KIAA1328: variants seen among roughly 807,000 people sequenced by gnomAD.
KIAA1328 encodes the protein protein hinderin.
Under a neutral mutation model 68.1 loss-of-function variants are expected in KIAA1328, and 52 were observed. That is an observed-to-expected ratio of 0.76 (90% CI 0.61 to 0.96). The LOEUF is 0.96. KIAA1328 is among the 40% of genes least tolerant of loss of function. The probability of loss-of-function intolerance (pLI) is 0.00; values close to 1 mark genes in which losing one functional copy is unlikely to be tolerated. For missense variants in KIAA1328, 641 were observed against 677.6 expected, an observed-to-expected ratio of 0.95 and a Z score of 0.60; for synonymous variants, 232 against 239.4, an observed-to-expected ratio of 0.97 and a Z score of 0.28.
At chr18:37,198,748 T>G (rs2060051179) in intron 9 of KIAA1328, among the ~76,000 whole-genome samples, 1 of 152,196 alleles carries the variant, frequency 6.6e-6, no homozygotes, top group Non-Finnish European at 1.5e-5. Flanking sequence ...AATTTGATAG[T>G]GTAACGGCAA....
At chr18:36,947,826 C>T (rs971471320) in intron 5 of KIAA1328, among the ~76,000 whole-genome samples, 2 of 152,118 alleles carry the variant, frequency 1.3e-5, no homozygotes, top group Admixed American at 6.5e-5. Flanking sequence ...GGGTAAAACA[C>T]TTTGATTTTT....
At chr18:36,869,374 C>A (rs934468203) in intron 4 of KIAA1328, among the ~76,000 whole-genome samples, 2 of 152,018 alleles carry the variant, frequency 1.3e-5, no homozygotes, top group Non-Finnish European at 2.9e-5. Context: ...GCATTTTTTT[C>A]TTTTGCGTAG....
In KIAA1328 at chr18:36,955,435, G is replaced by A. The variant is rs1300436278; in HGVS notation, c.449-3873G>A. Among the ~76,000 whole-genome samples, 9 of 150,960 alleles carry A rather than the reference G, an allele frequency of 6.0e-5. No individual in the cohort carries two copies. The South Asian group carries it at 6.3e-4, about 11-fold the overall frequency. The stretch of plus-strand genomic sequence containing the variant: ...AGCGATTCTCCTGCCTCAGCCTCCC[G>A]AGTAGCTGGGATGACAGGTGCCTGC... On this transcript the variant is annotated intron_variant, in intron 5 of 9. Transcript: ENST00000280020.
At chr18:37,097,456 A>G (rs1328065941) in intron 7 of KIAA1328, among the ~76,000 whole-genome samples, 1 of 152,174 alleles carries the variant, frequency 6.6e-6, no homozygotes, top group African/African-American at 2.4e-5. Context: ...TACCAGTACC[A>G]TGCTATTTTG....
At chr18:37,122,474 A>C (rs980208697) in intron 7 of KIAA1328, among the ~76,000 whole-genome samples, 5 of 152,190 alleles carry the variant, frequency 3.3e-5, no homozygotes, top group African/African-American at 1.2e-4. Flanking sequence ...ATTTAAATGT[A>C]GATGACAAGG....
intron 9 of KIAA1328, among the ~76,000 whole-genome samples, chr18:37,197,424 G>A (rs1430383324): frequency 6.6e-6 from 1 of 151,944 alleles, no homozygotes; most frequent in East Asian, 1.9e-4. Context: ...TTTAAAGCAA[G>A]AATAAAAAAA....
intron 7 of KIAA1328, among the ~76,000 whole-genome samples, chr18:37,088,481 G>A (rs2057170874): frequency 6.6e-6 from 1 of 151,856 alleles, no homozygotes; most frequent in Non-Finnish European, 1.5e-5. Flanking sequence ...AATGCTTTGT[G>A]TTTCTTTGTG....
rs781329139 is a variant in KIAA1328 at position 36,959,323 on chromosome 18, A to G, written c.464A>G (p.Tyr155Cys). 71 of 1,600,132 alleles carry G rather than the reference A, an allele frequency of 4.4e-5. No homozygotes were observed. The highest frequency in any genetic ancestry group is 5.4e-5 in the Non-Finnish European group (63 of 1,174,602). ...IKEREALQLQ[Y>C]RECQELLSLY... ...GCAATCTCACCTCTTCAGCTACAGT[A>G]TAGAGAATGCCAAGAACTTCTAAGC... Residue 155 changes from tyrosine to cysteine, a missense_variant, in exon 6 of 10, where the codon TAT becomes TGT. Physicochemically the swap from Tyr to Cys is radical, Grantham distance 194. Transcript: ENST00000280020.
At chr18:36,834,500 A>G (rs2046606220) in intron 2 of KIAA1328, 145 bp downstream of exon 2, 1 of 606,200 alleles carries the variant, frequency 1.6e-6, no homozygotes, top group African/African-American at 1.9e-5. Flanking sequence ...TTTTTTGAAT[A>G]TTTGTCATAA....
chr18:36,853,269 C>T (rs941052389), intron 4 of KIAA1328, among the ~76,000 whole-genome samples: 2 of 152,122 alleles, frequency 1.3e-5, no homozygotes, highest in African/African-American at 4.8e-5. Flanking sequence ...TAAAGATTTA[C>T]CTCCACCCTT....
intron 6 of KIAA1328, among the ~76,000 whole-genome samples, chr18:37,046,759 C>A (rs2055486894): frequency 6.6e-6 from 1 of 152,146 alleles, no homozygotes; most frequent in South Asian, 2.1e-4. Flanking sequence ...ATTTTGCTCT[C>A]CTAGACCCTG....
chr18:37,025,312 A>G (rs2054525475), intron 6 of KIAA1328, among the ~76,000 whole-genome samples: 1 of 152,162 alleles, frequency 6.6e-6, no homozygotes, highest in Non-Finnish European at 1.5e-5. Flanking sequence ...TAGACAGATC[A>G]ACGAGTCAGA....
At chr18:36,948,554 C>CTT (rs528683320) in intron 5 of KIAA1328, among the ~76,000 whole-genome samples, 20 of 133,838 alleles carry the variant, frequency 1.5e-4, no homozygotes, top group Non-Finnish European at 2.6e-4. Context: ...GCCACCACGC[C>CTT]TTTTTTTTTT....
chr18:36,913,517 CACA>C lies in KIAA1328; in HGVS notation c.448+27846_448+27848del, dbSNP rs1217472550. On this transcript the variant is annotated intron_variant, in intron 5 of 9. Transcript: ENST00000280020. ...ACACACACACACACACACACACACA[CACA>C]CACTTAGAGGAAAGCAACTGCCTAC... Among the ~76,000 whole-genome samples the C allele has an allele frequency of 9.4e-5, 11 of 116,920 alleles. 1 individual carries two copies. The highest frequency in any genetic ancestry group is 6.2e-4 in the South Asian group (2 of 3,212). The allele number at this position is 116,920 out of a possible 152,430, so 76.7% of individuals were successfully genotyped here. A position where few individuals can be genotyped will look rare whatever the true frequency, so the allele number is the denominator to read the frequency against.
At chr18:36,859,803 T>C (rs2047502256) in intron 4 of KIAA1328, among the ~76,000 whole-genome samples, 2 of 151,770 alleles carry the variant, frequency 1.3e-5, no homozygotes, top group South Asian at 4.2e-4. Context: ...TTGTCTTTTT[T>C]TTTTAATGTG....
chr18:36,948,261 G>GTTTTT (rs1167822236), intron 5 of KIAA1328, among the ~76,000 whole-genome samples: 11 of 115,766 alleles, frequency 9.5e-5, no homozygotes, highest in African/African-American at 1.3e-4. Flanking sequence ...TTTGTCTTTT[G>GTTTTT]TTTTTTTTTT....
intron 5 of KIAA1328, among the ~76,000 whole-genome samples, chr18:36,888,982 A>T (rs1165751056): frequency 2.0e-5 from 3 of 152,168 alleles, no homozygotes; most frequent in Non-Finnish European, 4.4e-5. Flanking sequence ...TTTTTGTTTT[A>T]AAAGTTTGAG....
chr18:36,932,951 A>T (rs1161128679), intron 5 of KIAA1328, among the ~76,000 whole-genome samples: 2 of 152,190 alleles, frequency 1.3e-5, no homozygotes, highest in African/African-American at 4.8e-5. Context: ...CAAATACAAA[A>T]GGATGACGTT....
chr18:36,964,221 A>G (rs2051819799), intron 6 of KIAA1328, among the ~76,000 whole-genome samples: 1 of 152,226 alleles, frequency 6.6e-6, no homozygotes, highest in Admixed American at 6.5e-5. Flanking sequence ...AATCTGACAT[A>G]CAGATTTTTA....
Sources: allele counts gnomAD v4.1 joint callset (sites outside exome capture counted in the v4.1 genomes callset), GRCh38; gene constraint gnomAD v4.1.1; transcripts MANE v1.5; gene names NCBI Gene and HGNC (gene_info 2026-07-23, HGNC 2026-07-21).